The following TNPO3 variants were observed in gnomAD, a reference collection of about 807,000 sequenced individuals.
The protein encoded by TNPO3 is transportin 3, also known as transportin-3.
Under a neutral mutation model 122.8 loss-of-function variants are expected in TNPO3, and 65 were observed. The ratio of observed to expected loss-of-function variants is 0.53; its 90% CI spans 0.43 to 0.65. The LOEUF is 0.65. Among genes scored for constraint, TNPO3 ranks in the 30% least tolerant of loss-of-function variants. TNPO3 has a pLI of 0.00. For missense variants in TNPO3, 850 were observed against 1,136.7 expected (o/e 0.75, Z 3.63); for synonymous variants, 372 against 411.2 (o/e 0.90, Z 1.15).
intron 11 of TNPO3, among the ~76,000 whole-genome samples, chr7:128,988,849 C>T (rs540249220): frequency 3.9e-5 from 6 of 152,144 alleles, no homozygotes; most frequent in African/African-American, 1.4e-4. Flanking sequence ...GAGGCTGAGG[C>T]GGGCAGATTA....
chr7:128,996,547 T>A (rs189457369), intron 8 of TNPO3, among the ~76,000 whole-genome samples: 7 of 151,940 alleles, frequency 4.6e-5, no homozygotes, highest in Admixed American at 4.6e-4. Flanking sequence ...ATCGAGACCA[T>A]CCTGGCTAAC....
intron 7 of TNPO3, among the ~76,000 whole-genome samples, chr7:128,997,915 G>A (rs2150369583): frequency 6.6e-6 from 1 of 152,046 alleles, no homozygotes; most frequent in South Asian, 2.1e-4. Flanking sequence ...ACAGTTCACT[G>A]CTGCCTCAAA....
Position 129,040,483 on chromosome 7 carries a change from G to C in TNPO3, c.120+14168C>G, listed in dbSNP as rs113171006. Among the ~76,000 whole-genome samples, 833 of 152,226 alleles carry C rather than the reference G, an allele frequency of 5.5e-3. 13 individuals are homozygous for C. Among genetic ancestry groups the C allele is most frequent in the African/African-American group, 0.019 (798 of 41,528 alleles). ...GGAAGAGGCATTCAGGTATCTGCTAGAGTAATAGAATGTACTATGCCTTGA... is the reference window on the plus strand; with the variant it reads ...GGAAGAGGCATTCAGGTATCTGCTACAGTAATAGAATGTACTATGCCTTGA... On this transcript the variant is annotated intron_variant, in intron 1 of 22. Transcript: ENST00000265388.
chr7:129,019,109 G>A (rs1041707815), intron 1 of TNPO3, among the ~76,000 whole-genome samples: 3 of 152,122 alleles, frequency 2.0e-5, no homozygotes, highest in Non-Finnish European at 4.4e-5. Context: ...CTTATCTATA[G>A]ACATAATAAA....
rs1227592923 is a variant in TNPO3 at position 129,054,860 on chromosome 7, G to A, written c.-90C>T. ...CGCCTTCGCGCTTCCTCACTGTCTG[G>A]GCCACGGCCGCTCCCTGACTGGCGC... On this transcript the variant is annotated 5_prime_UTR_variant, in exon 1 of 23. Coordinates refer to ENST00000265388, the MANE Select transcript of TNPO3 (RefSeq NM_012470.4). 22 of 1,566,536 alleles carry A rather than the reference G, an allele frequency of 1.4e-5. No homozygotes were observed. The East Asian group carries it at 5.0e-4, about 35-fold the overall frequency.
Position 129,015,052 on chromosome 7 carries a change from C to T in TNPO3, c.479G>A (p.Arg160Gln). 1.2e-6 allele frequency: 2 copies of T among 1,613,012 alleles called. No homozygotes were observed. The highest frequency in any genetic ancestry group is 1.7e-6 in the Non-Finnish European group (2 of 1,179,842). Residue 160 changes from arginine to glutamine, a missense_variant, in exon 4 of 23, where the codon CGA becomes CAA. By Grantham distance (43) the Arg-to-Gln change is conservative. Transcript: ENST00000265388. ...LPEEVHSRSLRIGANRRTEII... is the reference protein window; with the variant it reads ...LPEEVHSRSLQIGANRRTEII... ...TTCTGTGCGCCGATTAGCTCCAATT[C>T]GTAAGGAACGACTATGTACTTCTTC...
chr7:128,985,335 C>T (rs1800032062), intron 12 of TNPO3, among the ~76,000 whole-genome samples: 1 of 152,172 alleles, frequency 6.6e-6, no homozygotes, highest in Admixed American at 6.5e-5. Context: ...TGGCTCATGC[C>T]TGGTATCTCA....
chr7:128,955,755 A>C (rs921902104), intron 22 of TNPO3, among the ~76,000 whole-genome samples: 1 of 152,220 alleles, frequency 6.6e-6, no homozygotes, highest in Non-Finnish European at 1.5e-5. Context: ...TTTTGAAAGA[A>C]GGCTTTGCCT....
chr7:129,033,122 G>A (rs768181092), intron 1 of TNPO3, among the ~76,000 whole-genome samples: 3 of 152,058 alleles, frequency 2.0e-5, no homozygotes, highest in Non-Finnish European at 4.4e-5. Context: ...ACCTGAAAAA[G>A]AACAAAGTTA....
intron 13 of TNPO3, among the ~76,000 whole-genome samples, chr7:128,983,572 T>C (rs2150329836): frequency 6.6e-6 from 1 of 152,310 alleles, no homozygotes; most frequent in Non-Finnish European, 1.5e-5. Flanking sequence ...AAGTCACATC[T>C]ATAGCCCATC....
intron 4 of TNPO3, among the ~76,000 whole-genome samples, chr7:129,007,864 G>A (rs571112532): frequency 2.6e-5 from 4 of 152,130 alleles, no homozygotes; most frequent in Non-Finnish European, 4.4e-5. Flanking sequence ...AGGAAGAATG[G>A]CAGGGGCCGG....
chr7:128,969,300 T>C (rs550047326), intron 20 of TNPO3, among the ~76,000 whole-genome samples: 1 of 152,270 alleles, frequency 6.6e-6, no homozygotes, highest in East Asian at 1.9e-4. Context: ...TACTTTTCTT[T>C]AGAAAAACAA....
At chr7:128,959,194 GAGGAAGATC>G (rs1359988943) in intron 21 of TNPO3, among the ~76,000 whole-genome samples, 2 of 152,320 alleles carry the variant, frequency 1.3e-5, no homozygotes, top group South Asian at 4.1e-4. Flanking sequence ...TGTCAGGAAG[GAGGAAGATC>G]TGTAACCCAA....
chr7:129,030,262 G>T, intron 1 of TNPO3: 1 of 238,700 alleles, frequency 4.2e-6, no homozygotes, highest in Non-Finnish European at 8.6e-6. Context: ...TGAGCACTGT[G>T]ATCTGCCCAA....
intron 16 of TNPO3, among the ~76,000 whole-genome samples, chr7:128,977,478 T>C (rs1206621279): frequency 1.3e-5 from 2 of 152,204 alleles, no homozygotes; most frequent in African/African-American, 4.8e-5. Flanking sequence ...TTTAATCAAA[T>C]CTATAATTTA....
chr7:129,010,264 T>C (rs1489311054), intron 4 of TNPO3, among the ~76,000 whole-genome samples: 2 of 152,090 alleles, frequency 1.3e-5, no homozygotes, highest in African/African-American at 4.8e-5. Flanking sequence ...ACTCCTGGGG[T>C]CAAGTGATCC....
At chr7:129,000,289 C>CA in intron 7 of TNPO3, 140 bp downstream of exon 7, 1 of 1,016,746 alleles carries the variant, frequency 9.8e-7, no homozygotes, top group Non-Finnish European at 1.4e-6. Context: ...TAAAAAATTC[C>CA]AAAACAGATG....
chr7:129,054,999 C>T lies in TNPO3; in HGVS notation c.-229G>A. 3.7e-6 allele frequency: 2 copies of T among 540,044 alleles called. No individual in the cohort carries two copies. Among genetic ancestry groups the T allele is most frequent in the Non-Finnish European group, 6.6e-6 (2 of 303,328 alleles). The allele number at this position is 540,044 out of a possible 1,614,324, so 33.5% of individuals were successfully genotyped here. A position where few individuals can be genotyped will look rare whatever the true frequency, so the allele number is the denominator to read the frequency against. ...CCTGGCCTTTTTTCCGGTTTTTCCA[C>T]TTGATTCTAGACTCTTGAGTCCACA... On this transcript the variant is annotated 5_prime_UTR_variant, in exon 1 of 23. In the 5' UTR this introduces an upstream ATG that the reference lacks. Transcript: ENST00000265388.
intron 1 of TNPO3, among the ~76,000 whole-genome samples, chr7:129,025,108 G>A (rs1464884302): frequency 1.3e-5 from 2 of 151,774 alleles, no homozygotes; most frequent in African/African-American, 4.8e-5. Context: ...CTGCACTTTC[G>A]GAGGCCAAGG....
Sources: allele counts gnomAD v4.1 joint callset (sites outside exome capture counted in the v4.1 genomes callset), GRCh38; gene constraint gnomAD v4.1.1; transcripts MANE v1.5; gene names NCBI Gene and HGNC (gene_info 2026-07-23, HGNC 2026-07-21).